EMC7: variants seen among roughly 807,000 people sequenced by gnomAD.
EMC7 encodes ER membrane protein complex subunit 7.
EMC7 carries 4 observed loss-of-function variants against 24.4 expected under a neutral mutation model. The ratio of observed to expected loss-of-function variants is 0.16; its 90% CI spans 0.08 to 0.38. The LOEUF (loss-of-function observed/expected upper bound fraction) is 0.38. Ranked by LOEUF, EMC7 falls within the 10% of genes least tolerant of loss-of-function variation. The pLI is 1.00. For synonymous variants in EMC7, 106 were observed against 112.0 expected (o/e 0.95, Z 0.34); for missense variants, 221 against 300.6 (o/e 0.74, Z 1.96).
rs773419602 is a variant in EMC7 at position 34,084,305 on chromosome 15, T to C, written c.*29A>G. On this transcript the variant is annotated 3_prime_UTR_variant, in exon 5 of 5. Coordinates refer to ENST00000256545, the MANE Select transcript of EMC7 (RefSeq NM_020154.3). ...GGATGCCACCCAGTGTTGCCGTGTT[T>C]GTGCAAATGCCAGCTCTGGACGGCC... 1 of 1,598,060 alleles carries C rather than the reference T, an allele frequency of 6.3e-7. No individual in the cohort carries two copies. The highest frequency in any genetic ancestry group is 1.7e-5 in the Admixed American group (1 of 59,034).
At chr15:34,085,582 A>G (rs56310728) in intron 4 of EMC7, among the ~76,000 whole-genome samples, 21,523 of 151,738 alleles carry the variant, frequency 0.14, 1,818 homozygotes, top group South Asian at 0.26. Context: ...ACAGCACAGC[A>G]CTAGGCTTCC....
At chr15:34,089,817 G>GTTT (rs1900951602) in intron 3 of EMC7, among the ~76,000 whole-genome samples, 1 of 152,296 alleles carries the variant, frequency 6.6e-6, no homozygotes, top group East Asian at 1.9e-4. Context: ...TTAGCCGGGC[G>GTTT]TGGTGGCACA....
chr15:34,089,929 C>T (rs1328283778), intron 3 of EMC7, among the ~76,000 whole-genome samples: 1 of 152,184 alleles, frequency 6.6e-6, no homozygotes, highest in East Asian at 1.9e-4. Context: ...GCACTCCAGC[C>T]TGGCCAACAA....
chr15:34,099,710 A>G (rs1412641586), intron 1 of EMC7, among the ~76,000 whole-genome samples: 3 of 152,134 alleles, frequency 2.0e-5, no homozygotes, highest in Non-Finnish European at 4.4e-5. Flanking sequence ...GGCTCAAGTG[A>G]TCCTCCCACC....
At chr15:34,088,912 G>A (rs1265920007) in intron 3 of EMC7, among the ~76,000 whole-genome samples, 1 of 152,056 alleles carries the variant, frequency 6.6e-6, no homozygotes, top group Non-Finnish European at 1.5e-5. Context: ...CTGAAGTGTG[G>A]TGGTGCAATC....
chr15:34,084,048 T>C lies in EMC7; in HGVS notation c.*286A>G. ...TTCTGGATTAAGATGTTTTAATTAA[T>C]ATACATAATGTATAGTAGTTCATAT... On this transcript the variant is annotated 3_prime_UTR_variant, in exon 5 of 5. Transcript: ENST00000256545. 3.8e-6 allele frequency: 1 copy of C among 262,606 alleles called. No individual in the cohort carries two copies. Among genetic ancestry groups the C allele is most frequent in the Non-Finnish European group, 7.1e-6 (1 of 141,404 alleles). 16.3% of individuals were successfully genotyped at this position (262,606 alleles called of 1,614,324 possible).
intron 2 of EMC7, among the ~76,000 whole-genome samples, chr15:34,093,806 C>CAT (rs1555523298): frequency 3.3e-5 from 1 of 30,246 alleles, no homozygotes; most frequent in African/African-American, 8.7e-5. Flanking sequence ...CACACACACA[C>CAT]ATATATATAT....
At chr15:34,092,389 C>T (rs1033969169) in intron 2 of EMC7, among the ~76,000 whole-genome samples, 1 of 152,112 alleles carries the variant, frequency 6.6e-6, no homozygotes, top group African/African-American at 2.4e-5. Flanking sequence ...TGCTCTGAAG[C>T]CCAGGCTGAA....
intron 1 of EMC7, 109 bp downstream of exon 1, chr15:34,101,495 C>T (rs1901172752): frequency 8.3e-7 from 1 of 1,201,968 alleles, no homozygotes; most frequent in African/African-American, 1.5e-5. Context: ...GCACCCTCCC[C>T]TTCAGTCTGA....
At chr15:34,085,082 T>C in intron 4 of EMC7, among the ~76,000 whole-genome samples, 1 of 152,306 alleles carries the variant, frequency 6.6e-6, no homozygotes, top group East Asian at 1.9e-4. Flanking sequence ...ATGCTTCCTT[T>C]AGATGCATAT....
At chr15:34,099,616 T>C (rs1482633520) in intron 1 of EMC7, among the ~76,000 whole-genome samples, 1 of 152,182 alleles carries the variant, frequency 6.6e-6, no homozygotes, top group East Asian at 1.9e-4. Context: ...TGTTTCTTTT[T>C]TTCCTGAGAG....
intron 1 of EMC7, among the ~76,000 whole-genome samples, chr15:34,099,743 C>T (rs1901145709): frequency 6.6e-6 from 1 of 152,118 alleles, no homozygotes; most frequent in Non-Finnish European, 1.5e-5. Flanking sequence ...GTAGCTTGGA[C>T]TACAGGTGCA....
chr15:34,088,377 C>A (rs1173744170), intron 3 of EMC7, among the ~76,000 whole-genome samples: 1 of 151,872 alleles, frequency 6.6e-6, no homozygotes, highest in Non-Finnish European at 1.5e-5. Context: ...TTTATAGACA[C>A]CTCACTTCAT....
At position 34,093,064 on chromosome 15, in the gene EMC7, T is replaced by TA. The variant is rs139540740; in HGVS notation, c.357-2610dup. Among the ~76,000 whole-genome samples, 1,246 of 152,082 alleles carry TA rather than the reference T, an allele frequency of 8.2e-3. 15 individuals carry two copies. The highest frequency in any genetic ancestry group is 0.029 in the African/African-American group (1,201 of 41,488). Reference sequence around the variant, plus strand: ...AACTTACTAAATTCTGTACTAAGCATAAAAAAAAGAATGGTTGTTATGGGT... The same window carrying TA: ...AACTTACTAAATTCTGTACTAAGCATAAAAAAAAAGAATGGTTGTTATGGGT... On this transcript the variant is annotated intron_variant, in intron 2 of 4. Coordinates refer to ENST00000256545, the MANE Select transcript of EMC7 (RefSeq NM_020154.3).
rs1901175052 is a variant in EMC7, at chr15:34,101,633, T to C, written c.207A>G (p.Val69=). 6.2e-7 allele frequency: 1 copy of C among 1,613,814 alleles called. No individual in the cohort carries two copies. The highest frequency in any genetic ancestry group is 8.5e-7 in the Non-Finnish European group (1 of 1,179,980). ...GGAAACCGACGTGCTCTTCTCCGTC[T>C]ACCAGCACTCGGGCCGCCGAGATCC... ...QDWISAARVL[V]DGEEHVGFLK... Residue 69 remains valine (V), a synonymous_variant, in exon 1 of 5, where the codon GTA becomes GTG. Coordinates refer to ENST00000256545, the MANE Select transcript of EMC7 (RefSeq NM_020154.3).
chr15:34,084,545 A>G (rs1900844498), intron 4 of EMC7, 59 bp from the exon 5 acceptor site: 2 of 1,555,212 alleles, frequency 1.3e-6, no homozygotes. Flanking sequence ...AACTCCTAAC[A>G]CTTCCTATTA....
chr15:34,090,601 A>T, intron 2 of EMC7, 146 bp from the exon 3 acceptor site: 1 of 868,734 alleles, frequency 1.2e-6, no homozygotes, highest in Non-Finnish European at 1.6e-6. Flanking sequence ...TGATCTTGAA[A>T]ATCTGACCAA....
intron 2 of EMC7, among the ~76,000 whole-genome samples, chr15:34,092,707 C>T (rs987189527): frequency 2.0e-5 from 3 of 152,036 alleles, no homozygotes; most frequent in Non-Finnish European, 4.4e-5. Context: ...TTAACCTATG[C>T]TTCAGACATC....
intron 4 of EMC7, among the ~76,000 whole-genome samples, chr15:34,085,039 T>G (rs1018227033): frequency 4.6e-5 from 7 of 152,172 alleles, no homozygotes; most frequent in African/African-American, 1.7e-4. Flanking sequence ...TAAAGTGATT[T>G]CTTATTGTTT....
Sources: gnomAD v4.1 joint callset for allele counts (sites outside exome capture counted in the v4.1 genomes callset) on GRCh38, gnomAD v4.1.1 for gene constraint, MANE v1.5 for transcripts, NCBI Gene and HGNC (gene_info 2026-07-23, HGNC 2026-07-21) for gene names.